Variants in PPP1R12B observed in about 807,000 individuals in gnomAD.
PPP1R12B encodes myosin phosphatase target subunit 2.
In PPP1R12B, 76 loss-of-function variants were observed where a neutral mutation model predicts 126.1. The ratio of observed to expected loss-of-function variants is 0.60; its 90% confidence interval spans 0.50 to 0.73. PPP1R12B has a LOEUF of 0.73. Among genes scored for constraint, PPP1R12B ranks in the 30% least tolerant of loss-of-function variants. PPP1R12B has a pLI of 0.00. For synonymous variants in PPP1R12B, 356 were observed against 434.7 expected, an observed-to-expected ratio of 0.82 and a Z score of 2.25; for missense variants, 1,052 against 1,205.1, an observed-to-expected ratio of 0.87 and a Z score of 1.88.
chr1:202,402,652 T>C (rs1483470990), intron 1 of PPP1R12B, among the ~76,000 whole-genome samples: 2 of 152,240 alleles, frequency 1.3e-5, no homozygotes, highest in Non-Finnish European at 2.9e-5. Context: ...ACTATGTTTC[T>C]GCTCATAGCC....
chr1:202,391,525 A>G (rs1664164627), intron 1 of PPP1R12B, among the ~76,000 whole-genome samples: 1 of 152,174 alleles, frequency 6.6e-6, no homozygotes, highest in Admixed American at 6.5e-5. Flanking sequence ...TTCTACTCCC[A>G]TAAATGAAAA....
At chr1:202,488,653 T>G (rs1180241811) in intron 14 of PPP1R12B, 30 bp downstream of exon 14, 1 of 1,534,760 alleles carries the variant, frequency 6.5e-7, no homozygotes, top group Admixed American at 1.8e-5. Flanking sequence ...AAATGTCATT[T>G]TGTGTATCTA....
At chr1:202,452,334 G>A (rs547126644) in intron 13 of PPP1R12B, among the ~76,000 whole-genome samples, 338 of 152,302 alleles carry the variant, frequency 2.2e-3, no homozygotes, top group Non-Finnish European at 3.1e-3. Context: ...GATCACTCGC[G>A]GTTAGGAGCT....
Position 202,438,884 on chromosome 1 carries a change from G to A in PPP1R12B, c.1458+860G>A, listed in dbSNP as rs1671210272. ...TCTACTGCTATAGCCCCCAGGGCAG[G>A]AGCCCATACATCCACCGCACGCGGC... is the stretch of plus-strand genomic sequence containing the variant. On this transcript the variant is annotated intron_variant, in intron 10 of 23. Transcript: ENST00000608999. 23 of 1,416,992 alleles carry A rather than the reference G, an allele frequency of 1.6e-5. No individual in the cohort carries two copies. The South Asian group carries it at 2.3e-4, about 14-fold the overall frequency. 87.8% of individuals were successfully genotyped at this position (1,416,992 alleles called of 1,614,324 possible). A position where few individuals can be genotyped will look rare whatever the true frequency, so the allele number is the denominator to read the frequency against.
chr1:202,385,615 C>G (rs1031779069), intron 1 of PPP1R12B, among the ~76,000 whole-genome samples: 1 of 152,048 alleles, frequency 6.6e-6, no homozygotes, highest in Admixed American at 6.6e-5. Context: ...TGGAAGCTAC[C>G]CTAGTGATCA....
chr1:202,485,742 C>T (rs1678027794), intron 13 of PPP1R12B, among the ~76,000 whole-genome samples: 1 of 152,130 alleles, frequency 6.6e-6, no homozygotes, highest in Admixed American at 6.5e-5. Flanking sequence ...CCGAGTACTT[C>T]TTTGGTCATT....
At chr1:202,375,256 T>C (rs547406754) in intron 1 of PPP1R12B, among the ~76,000 whole-genome samples, 2 of 152,332 alleles carry the variant, frequency 1.3e-5, no homozygotes, top group South Asian at 4.1e-4. Flanking sequence ...TCAAACTATT[T>C]TCTATGCTTC....
chr1:202,419,178 T>C lies in PPP1R12B; in HGVS notation c.422+2261T>C, dbSNP rs896090726. On this transcript the variant is annotated intron_variant, in intron 2 of 23. Transcript: ENST00000608999. This position sits in a 1 kb window ranked among gnomAD's most constrained non-coding sequence, Gnocchi z 4.6. Reference sequence around the variant, plus strand: ...GCTGGGTGTTTTTACATTTTTTTTATGAATAAATGTTTCACTTAGAAGCAG... The same window carrying C: ...GCTGGGTGTTTTTACATTTTTTTTACGAATAAATGTTTCACTTAGAAGCAG... Among the ~76,000 whole-genome samples the C allele has an allele frequency of 6.6e-6, 1 of 152,236 alleles. No homozygotes were observed. Among genetic ancestry groups the C allele is most frequent in the African/African-American group, 2.4e-5 (1 of 41,470 alleles).
In PPP1R12B at chr1:202,563,556, T is replaced by A. The variant is rs531950226; in HGVS notation, c.2652+634T>A. On this transcript the variant is annotated intron_variant, in intron 20 of 23. Coordinates refer to ENST00000608999, the MANE Select transcript of PPP1R12B (RefSeq NM_002481.4). ...AGCCCCTGAGAATCATTTGGTAGAC[T>A]GTTATTTTTAACAAACATGTGCTTC... Among the ~76,000 whole-genome samples the A allele has an allele frequency of 1.0e-3, 153 of 151,534 alleles. 1 individual carries two copies. Among genetic ancestry groups the A allele is most frequent in the Admixed American group, 1.8e-3 (27 of 15,202 alleles).
At chr1:202,440,323 A>G (rs1047558325) in intron 10 of PPP1R12B, among the ~76,000 whole-genome samples, 3 of 152,200 alleles carry the variant, frequency 2.0e-5, no homozygotes, top group African/African-American at 7.2e-5. Context: ...TTCAAGGAAA[A>G]GATGTACTGG....
intron 13 of PPP1R12B, among the ~76,000 whole-genome samples, chr1:202,474,173 A>G (rs1158139987): frequency 6.6e-6 from 1 of 152,262 alleles, no homozygotes; most frequent in African/African-American, 2.4e-5. Context: ...TTAAAGTACC[A>G]CATATAAAAA....
intron 1 of PPP1R12B, among the ~76,000 whole-genome samples, chr1:202,380,350 G>A (rs1218871532): frequency 6.6e-6 from 1 of 152,146 alleles, no homozygotes; most frequent in Non-Finnish European, 1.5e-5. Context: ...AGACTCAGGA[G>A]GTGAAGGAGT....
At position 202,449,031 on chromosome 1, in the gene PPP1R12B, A is replaced by C; in HGVS notation, c.1710A>C (p.Thr570=). The change falls in exon 13 of 24, where the codon ACA becomes ACC. Residue 570 remains threonine, a synonymous_variant. Coordinates refer to ENST00000608999, the MANE Select transcript of PPP1R12B (RefSeq NM_002481.4). The part of the protein sequence containing the change: ...KSQADTTAEK[T]ADNVSSSTPL... ...AGGCCGACACAACAGCAGAGAAAAC[A>C]GCAGACAATGTCTCTTCTAGCACCC... 6.2e-7 allele frequency: 1 copy of C among 1,613,928 alleles called. No homozygotes were observed. The highest frequency in any genetic ancestry group is 8.5e-7 in the Non-Finnish European group (1 of 1,179,858).
At chr1:202,481,550 A>T (rs76587208) in intron 13 of PPP1R12B, among the ~76,000 whole-genome samples, 3 of 151,842 alleles carry the variant, frequency 2.0e-5, no homozygotes, top group Middle Eastern at 3.2e-3. Flanking sequence ...AATAAAAAAA[A>T]ATTGATGTTA....
intron 18 of PPP1R12B, among the ~76,000 whole-genome samples, chr1:202,546,010 G>T (rs556324015): frequency 6.6e-6 from 1 of 152,352 alleles, no homozygotes; most frequent in East Asian, 1.9e-4. Flanking sequence ...AAGATTTGAA[G>T]TAAAGTTGCT....
chr1:202,480,840 A>G (rs908950403), intron 13 of PPP1R12B, among the ~76,000 whole-genome samples: 1 of 152,340 alleles, frequency 6.6e-6, no homozygotes, highest in African/African-American at 2.4e-5. Context: ...ATTCTTTGAA[A>G]GTACAAGATA....
At chr1:202,500,846 A>C (rs191870244) in intron 18 of PPP1R12B, among the ~76,000 whole-genome samples, 108 of 152,378 alleles carry the variant, frequency 7.1e-4, no homozygotes, top group Non-Finnish European at 1.3e-3. Flanking sequence ...ACGTACTATT[A>C]TAATGCATCA....
chr1:202,575,487 A>C lies in PPP1R12B; in HGVS notation c.2863-4987A>C, dbSNP rs147405060. The C allele has an allele frequency of 9.0e-4, 158 of 175,832 alleles. 1 individual carries two copies. Among genetic ancestry groups the C allele is most frequent in the African/African-American group, 3.6e-3 (153 of 42,700 alleles). The allele number at this position is 175,832 out of a possible 1,614,324, so 10.9% of individuals were successfully genotyped here. A position where few individuals can be genotyped will look rare whatever the true frequency, so the allele number is the denominator to read the frequency against. ...TATGTGCATATACCTGTGTACATGC[A>C]CATATACATATTTCATTGACGGGGT... On this transcript the variant is annotated intron_variant, in intron 23 of 23. Transcript: ENST00000608999.
In PPP1R12B at chr1:202,508,992, A is replaced by G. The variant is rs1681124321; in HGVS notation, c.2490+12170A>G. Among the ~76,000 whole-genome samples, 1 of 152,380 alleles carries G rather than the reference A, an allele frequency of 6.6e-6. No homozygotes were observed. The highest frequency in any genetic ancestry group is 2.1e-4 in the South Asian group (1 of 4,830). ...TGTAATGGGAAAGCAGCCACAGACA[A>G]TATGTAACTAAATGGGAGTGACTAT... On this transcript the variant is annotated intron_variant, in intron 18 of 23. Coordinates refer to ENST00000608999, the MANE Select transcript of PPP1R12B (RefSeq NM_002481.4). The surrounding 1 kb of genome is among the most constrained non-coding windows in gnomAD (Gnocchi z 4.5).
Sources: allele counts gnomAD v4.1 joint callset (sites outside exome capture counted in the v4.1 genomes callset), GRCh38; gene constraint gnomAD v4.1.1; non-coding constraint Gnocchi (gnomAD v3.1); transcripts MANE v1.5; gene names NCBI Gene and HGNC (gene_info 2026-07-23, HGNC 2026-07-21).